Variants in STS observed in about 807,000 individuals in gnomAD.
STS encodes the protein steroid sulfatase.
A neutral mutation model predicts 26.8 loss-of-function variants in STS; 7 were observed. That is an observed-to-expected ratio of 0.26 (90% confidence interval 0.15 to 0.49). The LOEUF (loss-of-function observed/expected upper bound fraction) is 0.49. Among genes scored for constraint, STS ranks in the 20% least tolerant of loss-of-function variants. The pLI is 0.98. For missense variants in STS, 434 were observed against 465.6 expected (o/e 0.93, Z 0.63); for synonymous variants, 199 against 189.4 (o/e 1.05, Z -0.42).
intron 7 of STS, among the ~76,000 whole-genome samples, chrX:7,301,205 A>G (rs1925947739): frequency 1.0e-5 from 1 of 97,917 alleles, no homozygotes; most frequent in East Asian, 3.3e-4. Context: ...CCGGGCAACA[A>G]ACTGAGACCC....
At chrX:7,240,690 T>C (rs1324957100) in intron 2 of STS, among the ~76,000 whole-genome samples, 1 of 108,658 alleles carries the variant, frequency 9.2e-6, no homozygotes, top group Non-Finnish European at 1.9e-5. Context: ...CATCATTGAC[T>C]GTTGCCTCTT....
At chrX:7,290,849 T>C (rs771450003) in intron 7 of STS, among the ~76,000 whole-genome samples, 3 of 111,815 alleles carry the variant, frequency 2.7e-5, no homozygotes, top group East Asian at 2.8e-4. Context: ...GTGCCTTCGG[T>C]GTATTAAGCA....
intron 8 of STS, among the ~76,000 whole-genome samples, chrX:7,323,921 C>T (rs1323224541): frequency 9.0e-6 from 1 of 110,792 alleles, no homozygotes; most frequent in Non-Finnish European, 1.9e-5. Flanking sequence ...GATTACACCC[C>T]TCCACTTCTC....
At chrX:7,306,796 T>C (rs1317640277) in intron 8 of STS, among the ~76,000 whole-genome samples, 1 of 112,053 alleles carries the variant, frequency 8.9e-6, no homozygotes, top group Non-Finnish European at 1.9e-5. Flanking sequence ...CTTTCTGCTC[T>C]TCCAACCCCT....
chrX:7,327,015 G>A (rs1173811731), intron 9 of STS, among the ~76,000 whole-genome samples: 3 of 111,752 alleles, frequency 2.7e-5, no homozygotes, highest in South Asian at 3.8e-4. Flanking sequence ...TTCCATGATC[G>A]AGGACCCCAG....
chrX:7,270,542 A>G (rs1323107952), intron 6 of STS, among the ~76,000 whole-genome samples: 1 of 111,732 alleles, frequency 8.9e-6, no homozygotes, highest in African/African-American at 3.3e-5. Flanking sequence ...CAAGCCAAGT[A>G]TGCTTTTCTC....
chrX:7,248,452 G>A (rs919452809), intron 2 of STS, among the ~76,000 whole-genome samples: 1 of 111,621 alleles, frequency 9.0e-6, no homozygotes, highest in African/African-American at 3.3e-5. Context: ...CAAGCATAAC[G>A]TTTCTGTTTC....
chrX:7,169,360 C>T (rs1933417202), intron 1 of STS, among the ~76,000 whole-genome samples: 1 of 112,303 alleles, frequency 8.9e-6, no homozygotes, highest in African/African-American at 3.2e-5. Flanking sequence ...GTTTAAGGTC[C>T]ATCCATGTTG....
At chrX:7,189,348 G>A (rs1933831523) in intron 1 of STS, among the ~76,000 whole-genome samples, 1 of 111,330 alleles carries the variant, frequency 9.0e-6, no homozygotes, top group African/African-American at 3.3e-5. Flanking sequence ...TTCATTTCTA[G>A]GACTTTGTAT....
At chrX:7,246,445 G>A (rs1319121048) in intron 2 of STS, among the ~76,000 whole-genome samples, 1 of 97,376 alleles carries the variant, frequency 1.0e-5, no homozygotes, top group African/African-American at 3.7e-5. Context: ...GGGATTACAG[G>A]TACCCGCCAC....
chrX:7,243,074 G>A (rs1012529769), intron 2 of STS, among the ~76,000 whole-genome samples: 1 of 112,126 alleles, frequency 8.9e-6, no homozygotes, highest in Non-Finnish European at 1.9e-5. Context: ...CTCTTTTGGG[G>A]TTGGATAGGG....
rs954185969 is a variant in STS, at chrX:7,253,295, C to T, written c.96C>T (p.Leu32=). 4 of 1,211,579 alleles carry T rather than the reference C, an allele frequency of 3.3e-6. No homozygotes were observed. Among genetic ancestry groups the T allele is most frequent in the East Asian group, 3.0e-5 (1 of 33,843 alleles). Residue 32 remains leucine (L), a synonymous_variant, in exon 3 of 11, where the codon CTC becomes CTT. Coordinates refer to ENST00000674429, the MANE Select transcript of STS (RefSeq NM_001320752.2). ...TCATCCTGGTGATGGCTGACGACCTCGGCATTGGAGATCCTGGGTGCTATG... is the reference window on the plus strand; with the variant it reads ...TCATCCTGGTGATGGCTGACGACCTTGGCATTGGAGATCCTGGGTGCTATG... ...PNIILVMADD[L]GIGDPGCYGN...
intron 2 of STS, among the ~76,000 whole-genome samples, chrX:7,229,413 G>A (rs1347036658): frequency 9.0e-6 from 1 of 111,726 alleles, no homozygotes; most frequent in Non-Finnish European, 1.9e-5. Context: ...CTGCTCACTT[G>A]TTGGGTTTTT....
chrX:7,190,901 T>C lies in STS; in HGVS notation c.-112T>C. 1 of 600,556 alleles carries C rather than the reference T, an allele frequency of 1.7e-6. No individual in the cohort carries two copies. The highest frequency in any genetic ancestry group is 2.0e-6 in the Non-Finnish European group (1 of 498,798). 49.5% of individuals were successfully genotyped at this position (600,556 alleles called of 1,213,427 possible). Reference sequence around the variant, plus strand: ...ACAGGAAGAGCCCGATGCCCTTGGTTTGACTCTACTAAGAGCCCCTCAGTT... The same window carrying C: ...ACAGGAAGAGCCCGATGCCCTTGGTCTGACTCTACTAAGAGCCCCTCAGTT... On this transcript the variant is annotated 5_prime_UTR_variant, in exon 2 of 11. Coordinates refer to ENST00000674429, the MANE Select transcript of STS (RefSeq NM_001320752.2).
chrX:7,317,802 T>C (rs919302057), intron 8 of STS, among the ~76,000 whole-genome samples: 1 of 111,268 alleles, frequency 9.0e-6, no homozygotes, highest in Non-Finnish European at 1.9e-5. Flanking sequence ...TTGAGACCTT[T>C]AATTTCTGTA....
At chrX:7,191,164 G>A (rs986930574) in intron 2 of STS, among the ~76,000 whole-genome samples, 156 bp downstream of exon 2, 16 of 111,157 alleles carry the variant, frequency 1.4e-4, no homozygotes, top group African/African-American at 5.2e-4. Flanking sequence ...TACACATGGT[G>A]CTATTGCAGC....
Position 7,222,936 on chromosome X carries a change from A to G in STS, c.-4-30260A>G, listed in dbSNP as rs188681942. ...CCACCTTTTATACTCTCCAATGTCT[A>G]TTATTCCAATTAGTATATCCATGTC... On this transcript the variant is annotated intron_variant, in intron 2 of 10. Transcript: ENST00000674429. Among the ~76,000 whole-genome samples, 11 of 111,442 alleles carry G rather than the reference A, an allele frequency of 9.9e-5. No homozygotes were observed. The East Asian group carries it at 2.0e-3, about 20-fold the overall frequency.
chrX:7,190,882 A>C lies in STS; in HGVS notation c.-131A>C. The C allele has an allele frequency of 2.4e-5, 9 of 368,273 alleles. No homozygotes were observed. The highest frequency in any genetic ancestry group is 3.1e-5 in the Non-Finnish European group (9 of 286,672). The allele number at this position is 368,273 out of a possible 1,213,427, so 30.3% of individuals were successfully genotyped here. A position where few individuals can be genotyped will look rare whatever the true frequency, so the allele number is the denominator to read the frequency against. On this transcript the variant is annotated splice_region_variant and 5_prime_UTR_variant, in exon 2 of 11. Transcript: ENST00000674429. ...TCATCTTTTGAATGAATTCACAGGA[A>C]GAGCCCGATGCCCTTGGTTTGACTC...
At chrX:7,240,460 C>T (rs776025866) in intron 2 of STS, among the ~76,000 whole-genome samples, 42 of 70,885 alleles carry the variant, frequency 5.9e-4, no homozygotes, top group African/African-American at 1.8e-3. Context: ...CCAAGGAGCG[C>T]GCGCGCACAC....
Sources: allele counts gnomAD v4.1 joint callset (sites outside exome capture counted in the v4.1 genomes callset), GRCh38; gene constraint gnomAD v4.1.1; transcripts MANE v1.5; gene names NCBI Gene and HGNC (gene_info 2026-07-23, HGNC 2026-07-21).